KHDRBS2: variants seen among roughly 807,000 people sequenced by gnomAD.
The protein encoded by KHDRBS2 is KH domain-containing, RNA-binding, signal transduction-associated protein 2.
In KHDRBS2, 26 loss-of-function variants were observed where a neutral mutation model predicts 44.3. The observed-to-expected ratio is 0.59, with a 90% confidence interval of 0.43 to 0.81. KHDRBS2 has a LOEUF of 0.81. Ranked by LOEUF, KHDRBS2 falls within the 40% of genes least tolerant of loss-of-function variation. The pLI, the probability that KHDRBS2 is intolerant of heterozygous loss-of-function variation, is 0.00. For synonymous variants in KHDRBS2, 194 were observed against 151.1 expected, an observed-to-expected ratio of 1.28 and a Z score of -2.08; for missense variants, 476 against 433.1, an observed-to-expected ratio of 1.10 and a Z score of -0.88.
chr6:61,863,999 G>T (rs1323885366), intron 6 of KHDRBS2, among the ~76,000 whole-genome samples: 1 of 152,138 alleles, frequency 6.6e-6, no homozygotes, highest in Non-Finnish European at 1.5e-5. Context: ...ATTTAAGATA[G>T]TTAGGTTTTT....
the KHDRBS2 span, among the ~76,000 whole-genome samples, chr6:61,636,701 T>C: frequency 6.6e-6 from 1 of 152,106 alleles, no homozygotes. Context: ...AAGAAGTATC[T>C]GATTCAAAAT....
At position 61,960,799 on chromosome 6, in the gene KHDRBS2, C is replaced by A. The variant is rs182648720; in HGVS notation, c.483+17267G>T. Among the ~76,000 whole-genome samples, 255 of 152,132 alleles carry A rather than the reference C, an allele frequency of 1.7e-3. 2 individuals carry two copies. The highest frequency in any genetic ancestry group is 5.7e-3 in the African/African-American group (238 of 41,512). On this transcript the variant is annotated intron_variant, in intron 4 of 8. Coordinates refer to ENST00000281156, the MANE Select transcript of KHDRBS2 (RefSeq NM_152688.4). ...TGAGAACAAATTTTAAGATTAAAGG[C>A]TTAATCTTCATGAGGTAAAGAGTAG... is the stretch of plus-strand genomic sequence containing the variant.
chr6:61,587,836 A>C, the KHDRBS2 span, among the ~76,000 whole-genome samples: 2 of 151,658 alleles, frequency 1.3e-5, no homozygotes, highest in South Asian at 4.1e-4. Context: ...ACATCATTTC[A>C]AATGACTAGT....
At position 62,133,666 on chromosome 6, in the gene KHDRBS2, G is replaced by A. The variant is rs1178499273; in HGVS notation, c.219+43519C>T. ...TTCAGAAGAAGATAGGACAATGTGG[G>A]AAAGTTTGGAGCTTCCTAGAGACTT... On this transcript the variant is annotated intron_variant, in intron 2 of 8. Transcript: ENST00000281156. Among the ~76,000 whole-genome samples, 4 of 152,322 alleles carry A rather than the reference G, an allele frequency of 2.6e-5. 1 individual carries two copies. In the East Asian group the frequency reaches 5.8e-4, roughly 22 times the overall value.
At chr6:61,994,024 T>G (rs572661107) in intron 3 of KHDRBS2, among the ~76,000 whole-genome samples, 1 of 152,248 alleles carries the variant, frequency 6.6e-6, no homozygotes, top group East Asian at 1.9e-4. Context: ...TGGATCCTGA[T>G]CTACAGAGTA....
At chr6:62,062,299 T>C (rs9354595) in intron 2 of KHDRBS2, among the ~76,000 whole-genome samples, 115,690 of 141,064 alleles carry the variant, frequency 0.82, 47,919 homozygotes, top group Admixed American at 0.87. Flanking sequence ...CTACAGAACT[T>C]TCCACCCCAA....
At chr6:62,136,059 CAAA>C (rs1259600118) in intron 2 of KHDRBS2, among the ~76,000 whole-genome samples, 1 of 94,782 alleles carries the variant, frequency 1.1e-5, no homozygotes. Flanking sequence ...ATTCTCACCA[CAAA>C]AAAAAAAAAG....
chr6:62,174,679 T>C (rs894901359), intron 2 of KHDRBS2, among the ~76,000 whole-genome samples: 1 of 151,786 alleles, frequency 6.6e-6, no homozygotes, highest in African/African-American at 2.4e-5. Context: ...ATTCCCATAG[T>C]CATTTATTGC....
In KHDRBS2 at chr6:62,056,518, T is replaced by C. The variant is rs958298824; in HGVS notation, c.220-8524A>G. On this transcript the variant is annotated intron_variant, in intron 2 of 8. Coordinates refer to ENST00000281156, the MANE Select transcript of KHDRBS2 (RefSeq NM_152688.4). ...TATTATAAAGCAAAGGGTGATATTT[T>C]AGACTTTGGTTTAACTTATGGGTTC... Among the ~76,000 whole-genome samples, 10 of 152,036 alleles carry C rather than the reference T, an allele frequency of 6.6e-5. No individual in the cohort carries two copies. The South Asian group carries it at 1.0e-3, about 16-fold the overall frequency.
chr6:61,674,125 C>T, the KHDRBS2 span, among the ~76,000 whole-genome samples: 1 of 151,692 alleles, frequency 6.6e-6, no homozygotes, highest in Non-Finnish European at 1.5e-5. Context: ...TTCATTTGTT[C>T]CACCAATGAC....
intron 1 of KHDRBS2, among the ~76,000 whole-genome samples, chr6:62,235,796 G>A (rs1432757200): frequency 1.3e-5 from 2 of 151,802 alleles, no homozygotes; most frequent in African/African-American, 4.8e-5. Context: ...ACTCTTCCAT[G>A]GTACAATTTC....
At chr6:61,934,994 C>T (rs1435868013) in intron 4 of KHDRBS2, among the ~76,000 whole-genome samples, 1 of 152,186 alleles carries the variant, frequency 6.6e-6, no homozygotes, top group Non-Finnish European at 1.5e-5. Context: ...TCCATTCTCT[C>T]TCACAATTGC....
intron 6 of KHDRBS2, among the ~76,000 whole-genome samples, chr6:61,886,383 C>T (rs1317833520): frequency 1.3e-5 from 2 of 151,968 alleles, no homozygotes; most frequent in Non-Finnish European, 2.9e-5. Flanking sequence ...GAGTTTTCTC[C>T]CTCTTCTCTC....
At chr6:62,121,808 G>C (rs1330163678) in intron 2 of KHDRBS2, among the ~76,000 whole-genome samples, 2 of 152,196 alleles carry the variant, frequency 1.3e-5, no homozygotes, top group African/African-American at 2.4e-5. Flanking sequence ...TTATTTATGA[G>C]ACATTTGTGT....
At chr6:61,917,775 CTG>C (rs1456295271) in intron 4 of KHDRBS2, among the ~76,000 whole-genome samples, 1 of 151,906 alleles carries the variant, frequency 6.6e-6, no homozygotes, top group African/African-American at 2.4e-5. Flanking sequence ...GTCAATTTTG[CTG>C]TGAGTGTGAA....
intron 1 of KHDRBS2, among the ~76,000 whole-genome samples, chr6:62,219,825 G>A (rs1172941933): frequency 2.0e-5 from 3 of 147,000 alleles, no homozygotes; most frequent in Non-Finnish European, 4.5e-5. Flanking sequence ...ATATATGATA[G>A]TATATATAAT....
At chr6:61,811,132 A>T (rs1455968825) in intron 6 of KHDRBS2, among the ~76,000 whole-genome samples, 1 of 151,996 alleles carries the variant, frequency 6.6e-6, no homozygotes, top group Non-Finnish European at 1.5e-5. Flanking sequence ...TGGAGTCTCC[A>T]ATGTCTATTG....
At chr6:61,982,953 A>C (rs761813868) in intron 3 of KHDRBS2, among the ~76,000 whole-genome samples, 5 of 152,178 alleles carry the variant, frequency 3.3e-5, no homozygotes, top group South Asian at 2.1e-4. Flanking sequence ...TACTTTTATA[A>C]ACAGAAATGA....
chr6:62,176,827 T>C (rs209016), intron 2 of KHDRBS2, among the ~76,000 whole-genome samples: 120,506 of 151,174 alleles, frequency 0.8, 48,659 homozygotes, highest in African/African-American at 0.92. Flanking sequence ...TATTTAGTAT[T>C]ATTAACTCTA....
Sources: allele counts gnomAD v4.1 joint callset (sites outside exome capture counted in the v4.1 genomes callset), GRCh38; gene constraint gnomAD v4.1.1; transcripts MANE v1.5; gene names NCBI Gene and HGNC (gene_info 2026-07-23, HGNC 2026-07-21).